MYH9: variants seen among roughly 807,000 people sequenced by gnomAD.
MYH9 encodes myosin heavy chain 9, also known as myosin-9.
In MYH9, 29 loss-of-function variants were observed where a neutral mutation model predicts 241.9. That is an observed-to-expected ratio of 0.12 (90% CI 0.09 to 0.16). MYH9 has a LOEUF of 0.16. MYH9 is among the 10% of genes least tolerant of loss of function. The probability of loss-of-function intolerance (pLI) is 1.00; values close to 1 mark genes in which losing one functional copy is unlikely to be tolerated. For missense variants in MYH9, 1,803 were observed against 2,595.5 expected (o/e 0.69, Z 6.63); for synonymous variants, 1,047 against 1,062.6 (o/e 0.99, Z 0.29).
At chr22:36,331,898 T>C (rs569699298) in intron 3 of MYH9, among the ~76,000 whole-genome samples, 1 of 152,114 alleles carries the variant, frequency 6.6e-6, no homozygotes, top group South Asian at 2.1e-4. Flanking sequence ...CCACGTTGGG[T>C]GAGACTGATG....
rs1365403739 is a variant in MYH9 at position 36,300,018 on chromosome 22, GAA to G, written c.2976+107_2976+108del. The stretch of plus-strand genomic sequence containing the variant: ...AGCAGAAGCCCTCATGCTGCAGGCA[GAA>G]GAGACAGGAAGCAGCAGCAGCGGGG... On this transcript the variant is annotated intron_variant, in intron 23 of 40. Transcript: ENST00000216181. The surrounding 1 kb of genome is among the most constrained non-coding windows in gnomAD (Gnocchi z 5.0). 1.4e-6 allele frequency: 2 copies of G among 1,478,684 alleles called. No individual in the cohort carries two copies. The highest frequency in any genetic ancestry group is 1.9e-4 in the Middle Eastern group (1 of 5,330). 91.6% of individuals were successfully genotyped at this position (1,478,684 alleles called of 1,614,324 possible). A position where few individuals can be genotyped will look rare whatever the true frequency, so the allele number is the denominator to read the frequency against.
intron 1 of MYH9, among the ~76,000 whole-genome samples, chr22:36,354,650 G>A (rs2017823228): frequency 6.6e-6 from 1 of 151,500 alleles, no homozygotes; most frequent in African/African-American, 2.4e-5. Context: ...CACCATGTTG[G>A]CCAGGCTGGT....
At chr22:36,382,112 G>A (rs943858017) in intron 1 of MYH9, among the ~76,000 whole-genome samples, 2 of 151,996 alleles carry the variant, frequency 1.3e-5, no homozygotes, top group East Asian at 3.9e-4. Flanking sequence ...ACAGATGTGA[G>A]CCACCATGCC....
intron 1 of MYH9, among the ~76,000 whole-genome samples, chr22:36,358,218 C>T (rs62230201): frequency 0.42 from 64,576 of 152,022 alleles, 17,092 homozygotes; most frequent in Non-Finnish European, 0.6. Context: ...GTGCACACCG[C>T]CACACCCGGC....
At chr22:36,348,788 C>T (rs927644124) in intron 2 of MYH9, 116 bp downstream of exon 2, 1 of 992,448 alleles carries the variant, frequency 1.0e-6, no homozygotes, top group Non-Finnish European at 1.6e-6. Context: ...CTTCAAGCCC[C>T]CTTCTCAACC....
intron 1 of MYH9, among the ~76,000 whole-genome samples, chr22:36,356,046 T>A (rs752278021): frequency 2.2e-4 from 34 of 152,020 alleles, no homozygotes; most frequent in Admixed American, 1.6e-3. Flanking sequence ...ACCTAACCAA[T>A]CTCCAATGGC....
chr22:36,348,835 A>AGTGGGG, intron 2 of MYH9, 69 bp downstream of exon 2: 1 of 869,014 alleles, frequency 1.2e-6, no homozygotes, highest in East Asian at 6.0e-5. Context: ...GGTGATGGGA[A>AGTGGGG]GACCCGCCCC....
intron 1 of MYH9, among the ~76,000 whole-genome samples, chr22:36,372,209 C>A (rs772085104): frequency 6.6e-6 from 1 of 152,004 alleles, no homozygotes; most frequent in Non-Finnish European, 1.5e-5. Flanking sequence ...AAATTCAGAC[C>A]ACGTGCAGTG....
At chr22:36,312,537 G>T (rs1287092697) in intron 13 of MYH9, among the ~76,000 whole-genome samples, 2 of 152,174 alleles carry the variant, frequency 1.3e-5, no homozygotes, top group Non-Finnish European at 2.9e-5. Flanking sequence ...AGTGCACTGG[G>T]GTCTGCCCAG....
intron 24 of MYH9, chr22:36,297,337 G>A (rs1047809270): frequency 8.9e-5 from 31 of 346,678 alleles, no homozygotes; most frequent in African/African-American, 5.9e-4. Flanking sequence ...ATGTTCAATT[G>A]TGTGTGAATC....
intron 34 of MYH9, among the ~76,000 whole-genome samples, chr22:36,287,938 C>G (rs1197325273): frequency 6.6e-6 from 1 of 152,210 alleles, no homozygotes; most frequent in Non-Finnish European, 1.5e-5. Context: ...TGTCAGGACC[C>G]GGGTGATTCT....
chr22:36,337,736 AG>A (rs2017520979), intron 3 of MYH9, among the ~76,000 whole-genome samples: 1 of 152,216 alleles, frequency 6.6e-6, no homozygotes, highest in Non-Finnish European at 1.5e-5. Flanking sequence ...CCTCAAAGCC[AG>A]GGGGGCAGCA....
intron 3 of MYH9, among the ~76,000 whole-genome samples, chr22:36,331,572 C>G (rs1468091952): frequency 1.3e-5 from 2 of 152,200 alleles, no homozygotes; most frequent in East Asian, 1.9e-4. Flanking sequence ...GCTTAAGCCT[C>G]ACTTCCTCTG....
At chr22:36,376,319 C>T (rs1045491981) in intron 1 of MYH9, among the ~76,000 whole-genome samples, 1 of 152,112 alleles carries the variant, frequency 6.6e-6, no homozygotes, top group Non-Finnish European at 1.5e-5. Context: ...GAGAGCAGCT[C>T]TTCCTCCCTT....
intron 31 of MYH9, among the ~76,000 whole-genome samples, chr22:36,290,834 T>C (rs1372769786): frequency 1.4e-5 from 2 of 147,600 alleles, no homozygotes; most frequent in African/African-American, 5.1e-5. Flanking sequence ...CTCTGCCCAG[T>C]GGCGACCCCG....
At chr22:36,346,022 C>T (rs1374401490) in intron 2 of MYH9, among the ~76,000 whole-genome samples, 1 of 152,138 alleles carries the variant, frequency 6.6e-6, no homozygotes, top group Non-Finnish European at 1.5e-5. Context: ...TGGTGGGCAC[C>T]TGTAGTTGCA....
chr22:36,300,169 C>T lies in MYH9; in HGVS notation c.2934G>A (p.Glu978=), dbSNP rs1188245315. The T allele has an allele frequency of 6.2e-7, 1 of 1,613,328 alleles. No individual in the cohort carries two copies. The highest frequency in any genetic ancestry group is 2.2e-5 in the East Asian group (1 of 44,868). Residue 978 remains glutamate, a synonymous_variant, in exon 23 of 41, where the codon GAG becomes GAA. Coordinates refer to ENST00000216181, the MANE Select transcript of MYH9 (RefSeq NM_002473.6). This position sits in a 1 kb window ranked among gnomAD's most constrained non-coding sequence, Gnocchi z 5.0. ...TCTGGTCCTCCAGGATGATCTGCTCCTCCTCCAGCTTTTTCAGCTTCGCCT... is the reference window on the plus strand; with the variant it reads ...TCTGGTCCTCCAGGATGATCTGCTCTTCCTCCAGCTTTTTCAGCTTCGCCT... ...TTEAKLKKLE[E]EQIILEDQNC...
chr22:36,365,563 C>T (rs997289566), intron 1 of MYH9, among the ~76,000 whole-genome samples: 4 of 152,030 alleles, frequency 2.6e-5, no homozygotes, highest in African/African-American at 4.8e-5. Flanking sequence ...TGGGTTCAAG[C>T]AATTCTCCTG....
intron 1 of MYH9, among the ~76,000 whole-genome samples, chr22:36,368,535 G>A (rs1252104242): frequency 6.6e-6 from 1 of 152,214 alleles, no homozygotes; most frequent in Non-Finnish European, 1.5e-5. Context: ...TCAGGAAGGA[G>A]AAGCGCAGAG....
Sources: allele counts gnomAD v4.1 joint callset (sites outside exome capture counted in the v4.1 genomes callset), GRCh38; gene constraint gnomAD v4.1.1; non-coding constraint Gnocchi (gnomAD v3.1); transcripts MANE v1.5; gene names NCBI Gene and HGNC (gene_info 2026-07-23, HGNC 2026-07-21).